SYCE1L: variants seen among roughly 807,000 people sequenced by gnomAD.
SYCE1L encodes the protein synaptonemal complex central element protein 1-like.
In SYCE1L, 51 loss-of-function variants were observed where a neutral mutation model predicts 39.6. The observed-to-expected ratio is 1.29, with a 90% CI of 1.03 to 1.63. SYCE1L has a LOEUF of 1.63. SYCE1L is among the 40% of genes most tolerant of loss of function. SYCE1L has a pLI of 0.00. For missense variants in SYCE1L, 426 were observed against 304.9 expected (o/e 1.40, Z -2.96); for synonymous variants, 147 against 122.4 (o/e 1.20, Z -1.33).
rs780375750 is a variant in SYCE1L, at chr16:77,209,387, C to G, written c.305-30C>G. ...CCAACCCTGACTCCCCAAGAGCTCT[C>G]AAAGGGTCCCCTTGGTTCCTTCCCC... On this transcript the variant is annotated intron_variant, in intron 5 of 10. Coordinates refer to ENST00000378644, the MANE Select transcript of SYCE1L (RefSeq NM_001129979.3). The G allele has an allele frequency of 1.2e-5, 18 of 1,551,570 alleles. 1 individual carries two copies. The South Asian group carries it at 1.7e-4, about 14-fold the overall frequency.
rs1268617798 is a variant in SYCE1L, at chr16:77,212,828, G to C, written c.655-29G>C. On this transcript the variant is annotated intron_variant, in intron 10 of 10. Coordinates refer to ENST00000378644, the MANE Select transcript of SYCE1L (RefSeq NM_001129979.3). ...GCGGACGCGAGGAGCGTAGGAACCT[G>C]GTCCGCAGCCTCACCCAGCCCCCGG... 5.5e-6 allele frequency: 8 copies of C among 1,460,226 alleles called. No individual in the cohort carries two copies. The Admixed American group carries it at 7.2e-5, about 13-fold the overall frequency. The allele number at this position is 1,460,226 out of a possible 1,614,324, so 90.5% of individuals were successfully genotyped here.
At position 77,212,388 on chromosome 16, in the gene SYCE1L, A is replaced by G; in HGVS notation, c.581+19A>G. 1 of 1,524,448 alleles carries G rather than the reference A, an allele frequency of 6.6e-7. No homozygotes were observed. Among genetic ancestry groups the G allele is most frequent in the Non-Finnish European group, 8.8e-7 (1 of 1,136,806 alleles). The allele number at this position is 1,524,448 out of a possible 1,614,324, so 94.4% of individuals were successfully genotyped here. A position where few individuals can be genotyped will look rare whatever the true frequency, so the allele number is the denominator to read the frequency against. ...ATGACGGGTGAGAGGGGAAGGGAGG[A>G]GTGGGCGAGGAGGGCAGGGGCAGGG... On this transcript the variant is annotated intron_variant, in intron 9 of 10. Transcript: ENST00000378644.
At position 77,213,150 on chromosome 16, in the gene SYCE1L, G is replaced by C; in HGVS notation, c.*219G>C. The C allele has an allele frequency of 4.8e-6, 2 of 417,116 alleles. No individual in the cohort carries two copies. The highest frequency in any genetic ancestry group is 6.1e-4 in the Middle Eastern group (1 of 1,630). The allele number at this position is 417,116 out of a possible 1,614,324, so 25.8% of individuals were successfully genotyped here. On this transcript the variant is annotated 3_prime_UTR_variant, in exon 11 of 11. Coordinates refer to ENST00000378644, the MANE Select transcript of SYCE1L (RefSeq NM_001129979.3). ...CTGGGTAAATGCTCCTGAACTCAGAGAGAGTAAGTGGGTGTCAGTATCCCC... is the reference window on the plus strand; with the variant it reads ...CTGGGTAAATGCTCCTGAACTCAGACAGAGTAAGTGGGTGTCAGTATCCCC...
chr16:77,212,394 C>A (rs1026472873), intron 9 of SYCE1L, 25 bp downstream of exon 9: 1 of 1,525,058 alleles, frequency 6.6e-7, no homozygotes. Context: ...GAGGAGTGGG[C>A]GAGGAGGGCA....
In SYCE1L at chr16:77,212,198, G is replaced by T. The variant is rs748557852; in HGVS notation, c.492G>T (p.Glu164Asp). ...LERSKEQLLS[E>D]RRLVRAKLRE... ...GAAGCAAGGAGCAGCTGCTCTCGGA[G>T]AGTGAGCCTCCCGCGCCAGGTGGGC... Residue 164 changes from glutamate to aspartate, a missense_variant and splice_region_variant, in exon 8 of 11, where the codon GAG becomes GAT. Coordinates refer to ENST00000378644, the MANE Select transcript of SYCE1L (RefSeq NM_001129979.3). The T allele has an allele frequency of 1.3e-6, 2 of 1,547,522 alleles. No homozygotes were observed. Among genetic ancestry groups the T allele is most frequent in the Admixed American group, 3.9e-5 (2 of 50,830 alleles).
chr16:77,206,449 A>T lies in SYCE1L; in HGVS notation c.70A>T (p.Lys24Ter). 3 of 1,551,630 alleles carry T rather than the reference A, an allele frequency of 1.9e-6. No homozygotes were observed. Among genetic ancestry groups the T allele is most frequent in the Non-Finnish European group, 2.6e-6 (3 of 1,146,984 alleles). The change falls in exon 2 of 11, where the codon AAG becomes TAG. Residue 24 changes from lysine (K) to a stop codon, truncating the protein, a stop_gained. Coordinates refer to ENST00000378644, the MANE Select transcript of SYCE1L (RefSeq NM_001129979.3). LOFTEE classifies it high-confidence loss of function. ...EATEEAEGQA[K>*]SLKTEDLLAM... Reference sequence around the variant, plus strand: ...GATTTTCCTTTCTACAGGGCAAGCCAAGTCTTTGAAGACTGAAGACTTGCT... The same window carrying T: ...GATTTTCCTTTCTACAGGGCAAGCCTAGTCTTTGAAGACTGAAGACTTGCT...
chr16:77,211,317 C>T (rs960684082), intron 7 of SYCE1L, 41 bp downstream of exon 7: 2 of 1,549,000 alleles, frequency 1.3e-6, no homozygotes, highest in East Asian at 2.4e-5. Context: ...CCACTCCTCC[C>T]TGGCTTTAGT....
intron 1 of SYCE1L, chr16:77,200,631 C>G (rs1000526196): frequency 1.3e-5 from 2 of 151,668 alleles, no homozygotes; most frequent in Non-Finnish European, 2.9e-5. Context: ...TGGCGGGCGC[C>G]TGTAGTCCCA....
chr16:77,204,274 T>C (rs1485189034), intron 1 of SYCE1L, among the ~76,000 whole-genome samples: 1 of 152,196 alleles, frequency 6.6e-6, no homozygotes, highest in Non-Finnish European at 1.5e-5. Context: ...TGTACAAGGA[T>C]GGTGTACTAG....
rs889116695 is a variant in SYCE1L, at chr16:77,211,276, C to T, written c.423C>T (p.His141=). 71 of 1,551,766 alleles carry T rather than the reference C, an allele frequency of 4.6e-5. No homozygotes were observed. The highest frequency in any genetic ancestry group is 5.9e-5 in the Non-Finnish European group (68 of 1,147,032). The change falls in exon 7 of 11, where the codon CAC becomes CAT. Residue 141 remains histidine, a splice_region_variant and synonymous_variant. Coordinates refer to ENST00000378644, the MANE Select transcript of SYCE1L (RefSeq NM_001129979.3). ...MGQHKDLWEF[H]MLEQRLAREI... is the part of the protein sequence containing the mutation. ...AGCACAAGGACCTCTGGGAATTCCA[C>T]GTGAGCCATTATCATTGCCTGCAAC...
At chr16:77,208,982 C>G in intron 4 of SYCE1L, 115 bp from the exon 5 acceptor site, 1 of 1,151,576 alleles carries the variant, frequency 8.7e-7, no homozygotes, top group Non-Finnish European at 1.3e-6. Flanking sequence ...CAAGAAGATA[C>G]CTCACCTCTC....
In SYCE1L at chr16:77,213,206, C is replaced by T. The variant is rs373557567; in HGVS notation, c.*275C>T. 6.0e-3 allele frequency: 2,212 copies of T among 365,944 alleles called. 41 individuals carry two copies. In the South Asian group the frequency reaches 0.071, roughly 12 times the overall value. 22.7% of individuals were successfully genotyped at this position (365,944 alleles called of 1,614,324 possible). A position where few individuals can be genotyped will look rare whatever the true frequency, so the allele number is the denominator to read the frequency against. ...CACGGCCTCATCTCGAGTTCCCAAACCATCTATGTTGTCAACAGGGGCCGG... is the reference window on the plus strand; with the variant it reads ...CACGGCCTCATCTCGAGTTCCCAAATCATCTATGTTGTCAACAGGGGCCGG... On this transcript the variant is annotated 3_prime_UTR_variant, in exon 11 of 11. Transcript: ENST00000378644.
At chr16:77,212,060 A>C in intron 7 of SYCE1L, 70 bp from the exon 8 acceptor site, 1 of 1,484,494 alleles carries the variant, frequency 6.7e-7, no homozygotes, top group Non-Finnish European at 9.0e-7. Flanking sequence ...CGAGAAGCAC[A>C]AAAGGGGAGG....
intron 1 of SYCE1L, chr16:77,202,369 A>G (rs369620687): frequency 7.9e-5 from 12 of 152,324 alleles, no homozygotes; most frequent in Non-Finnish European, 4.4e-5. Context: ...TACATCTGCA[A>G]TTGTTTCAAA....
In SYCE1L at chr16:77,209,496, C is replaced by T. The variant is rs1333102751; in HGVS notation, c.359+25C>T. The T allele has an allele frequency of 1.9e-6, 3 of 1,551,302 alleles. No homozygotes were observed. The African/African-American group carries it at 4.1e-5, about 21-fold the overall frequency. ...GGTAAGAGGCCCTGCCTCAGCTCTT[C>T]CCTACCTCATTCCCCAGCTGAAAAA... On this transcript the variant is annotated intron_variant, in intron 6 of 10. Coordinates refer to ENST00000378644, the MANE Select transcript of SYCE1L (RefSeq NM_001129979.3).
chr16:77,206,592 G>A, intron 2 of SYCE1L, 92 bp downstream of exon 2: 1 of 1,262,114 alleles, frequency 7.9e-7, no homozygotes, highest in South Asian at 1.3e-5. Context: ...ACAACCTCAG[G>A]AAATTATCCC....
chr16:77,212,436 C>A, intron 9 of SYCE1L, 67 bp downstream of exon 9: 2 of 1,533,834 alleles, frequency 1.3e-6, no homozygotes, highest in Non-Finnish European at 1.8e-6. Flanking sequence ...CGCCCAGGTC[C>A]CCCGCTCCGC....
chr16:77,200,713 G>A (rs1230971317), intron 1 of SYCE1L: 2 of 137,752 alleles, frequency 1.5e-5, no homozygotes, highest in African/African-American at 5.5e-5. Context: ...CTGACATTGC[G>A]CCACTGCACT....
chr16:77,210,266 C>T (rs2054813570), intron 6 of SYCE1L, among the ~76,000 whole-genome samples: 1 of 152,124 alleles, frequency 6.6e-6, no homozygotes, highest in Non-Finnish European at 1.5e-5. Context: ...CTCGAACTCT[C>T]GACCTTAGGT....
Sources: gnomAD v4.1 joint callset for allele counts (sites outside exome capture counted in the v4.1 genomes callset) on GRCh38, gnomAD v4.1.1 for gene constraint, MANE v1.5 for transcripts, NCBI Gene and HGNC (gene_info 2026-07-23, HGNC 2026-07-21) for gene names.